FHDC1: variants seen among roughly 807,000 people sequenced by gnomAD.
FHDC1 encodes the protein FH2 domain-containing protein 1.
A neutral mutation model predicts 52.6 loss-of-function variants in FHDC1; 25 were observed. That is an observed-to-expected ratio of 0.48 (90% confidence interval 0.35 to 0.66). The LOEUF (loss-of-function observed/expected upper bound fraction) is 0.66, where lower values mean the gene tolerates loss of function less well. FHDC1 is among the 30% of genes least tolerant of loss of function. The probability of loss-of-function intolerance (pLI) is 0.01; values close to 1 mark genes in which losing one functional copy is unlikely to be tolerated. For synonymous variants in FHDC1, 616 were observed against 581.5 expected, an observed-to-expected ratio of 1.06 and a Z score of -0.85; for missense variants, 1,459 against 1,452.8, an observed-to-expected ratio of 1.00 and a Z score of -0.07.
In FHDC1 at chr4:152,977,452, A is replaced by G. The variant is rs1206627641; in HGVS notation, c.*729A>G. 6.6e-6 allele frequency: 1 copy of G among 151,770 alleles called. No individual in the cohort carries two copies. Among genetic ancestry groups the G allele is most frequent in the Non-Finnish European group, 1.5e-5 (1 of 67,944 alleles). The allele number at this position is 151,770 out of a possible 1,614,324, so 9.4% of individuals were successfully genotyped here. A position where few individuals can be genotyped will look rare whatever the true frequency, so the allele number is the denominator to read the frequency against. ...CCTCCCAGGAAAAAAATACATATGT[A>G]TTTTTTTGCGACAGGGTCGTGCTCT... On this transcript the variant is annotated 3_prime_UTR_variant, in exon 12 of 12. Coordinates refer to ENST00000511601, the MANE Select transcript of FHDC1 (RefSeq NM_001371116.1).
At chr4:152,952,135 A>G (rs970502721) in intron 2 of FHDC1, among the ~76,000 whole-genome samples, 1 of 152,190 alleles carries the variant, frequency 6.6e-6, no homozygotes, top group African/African-American at 2.4e-5. Flanking sequence ...GTAGGACACT[A>G]CCTTACACCC....
In FHDC1 at chr4:152,977,026, A is replaced by G. The variant is rs4696370; in HGVS notation, c.*303A>G. The G allele has an allele frequency of 0.91, 231,245 of 254,276 alleles. 105,451 individuals are homozygous for G. Among genetic ancestry groups the G allele is most frequent in the East Asian group, 1 (13,541 of 13,544 alleles). 15.8% of individuals were successfully genotyped at this position (254,276 alleles called of 1,614,324 possible). A position where few individuals can be genotyped will look rare whatever the true frequency, so the allele number is the denominator to read the frequency against. ...CGAGAAAGATTTAGTAGGAGTGTAA[A>G]GTGACATTCTTATGAAACAAGTCAA... is the stretch of plus-strand genomic sequence containing the variant. On this transcript the variant is annotated 3_prime_UTR_variant, in exon 12 of 12. Coordinates refer to ENST00000511601, the MANE Select transcript of FHDC1 (RefSeq NM_001371116.1).
intron 2 of FHDC1, 75 bp downstream of exon 2, chr4:152,943,630 A>G: frequency 6.8e-7 from 1 of 1,479,614 alleles, no homozygotes; most frequent in Middle Eastern, 2.5e-4. Flanking sequence ...GTACATTTCA[A>G]ATAATTGCTA....
At chr4:152,960,704 A>G in intron 5 of FHDC1, 40 bp from the exon 6 acceptor site, 1 of 1,611,758 alleles carries the variant, frequency 6.2e-7, no homozygotes, top group Non-Finnish European at 8.5e-7. Context: ...TTTTAAACTA[A>G]TGACATCAAA....
At chr4:152,972,202 G>A (rs11099864) in intron 10 of FHDC1, among the ~76,000 whole-genome samples, 175 bp from the exon 11 acceptor site, 88,815 of 152,002 alleles carry the variant, frequency 0.58, 30,208 homozygotes, top group Non-Finnish European at 0.76. Flanking sequence ...GGTTTGTTCT[G>A]GGTTGAATTA....
chr4:152,930,253 C>G, the FHDC1 span, among the ~76,000 whole-genome samples: 49 of 152,330 alleles, frequency 3.2e-4, no homozygotes, highest in East Asian at 9.1e-3. Context: ...AACTTCTTTG[C>G]TCTTTTCTCT....
At chr4:152,963,223 GT>G in intron 8 of FHDC1, 93 bp downstream of exon 8, 1 of 1,104,420 alleles carries the variant, frequency 9.1e-7, no homozygotes, top group Non-Finnish European at 1.3e-6. Flanking sequence ...GTCCAGCAGG[GT>G]TAGGAAAGGG....
chr4:152,975,012 G>A lies in FHDC1; in HGVS notation c.1721G>A (p.Ser574Asn), dbSNP rs768369637. 2 of 1,612,584 alleles carry A rather than the reference G, an allele frequency of 1.2e-6. No homozygotes were observed. Among genetic ancestry groups the A allele is most frequent in the East Asian group, 2.2e-5 (1 of 44,868 alleles). Residue 574 changes from serine to asparagine, a missense_variant, in exon 12 of 12, where the codon AGC (serine) becomes AAC (asparagine). Physicochemically the swap from Ser to Asn is conservative, Grantham distance 46. Around this residue, in one of 3 missense-constraint regions of FHDC1, gnomAD observed 939 missense variants for 854.5 expected, o/e 1.10. Coordinates refer to ENST00000511601, the MANE Select transcript of FHDC1 (RefSeq NM_001371116.1). Reference protein sequence around the residue: ...EPNKFHSLPRSSPRQARPTIA... With the variant: ...EPNKFHSLPRNSPRQARPTIA... The stretch of plus-strand genomic sequence containing the variant: ...AATAAGTTCCACAGCCTGCCCCGGA[G>A]CAGCCCCCGGCAGGCCCGGCCCACG...
chr4:152,975,216 T>A lies in FHDC1; in HGVS notation c.1925T>A (p.Val642Asp). Reference sequence around the variant, plus strand: ...TTCCCCAGAGCTCGGCGCCAGGGCGTCAGTGTCCTCCGAAAGAGGTACAGT... The same window carrying A: ...TTCCCCAGAGCTCGGCGCCAGGGCGACAGTGTCCTCCGAAAGAGGTACAGT... ...SAFPRARRQGVSVLRKRYSEP... is the reference protein window; with the variant it reads ...SAFPRARRQGDSVLRKRYSEP... The change falls in exon 12 of 12, where the codon GTC becomes GAC. Residue 642 changes from valine (V) to aspartate (D), a missense_variant. Val to Asp is a radical substitution (Grantham distance 152). Coordinates refer to ENST00000511601, the MANE Select transcript of FHDC1 (RefSeq NM_001371116.1). The A allele has an allele frequency of 6.2e-7, 1 of 1,613,256 alleles. No individual in the cohort carries two copies.
chr4:152,950,719 A>G (rs1442002301), intron 2 of FHDC1, among the ~76,000 whole-genome samples: 2 of 152,332 alleles, frequency 1.3e-5, no homozygotes, highest in African/African-American at 4.8e-5. Context: ...GGACTTGGCC[A>G]GGCACACGTA....
intron 1 of FHDC1, among the ~76,000 whole-genome samples, chr4:152,936,885 C>CG (rs1297129782): frequency 6.6e-6 from 1 of 152,260 alleles, no homozygotes; most frequent in Non-Finnish European, 1.5e-5. Flanking sequence ...CCTAGCCAGC[C>CG]GGGGGCCACG....
At chr4:152,935,161 T>C (rs1253045245), upstream of FHDC1, among the ~76,000 whole-genome samples, 1 of 152,188 alleles carries the variant, frequency 6.6e-6, no homozygotes, top group East Asian at 1.9e-4. Flanking sequence ...TTGGGGTTGA[T>C]TGGTTTGTTT....
chr4:152,972,573 G>A, intron 11 of FHDC1, 32 bp downstream of exon 11: 18 of 1,577,414 alleles, frequency 1.1e-5, no homozygotes, highest in Non-Finnish European at 1.5e-5. Context: ...TCTTGGGGTT[G>A]TTTGGATTTT....
chr4:152,975,553 G>T lies in FHDC1; in HGVS notation c.2262G>T (p.Leu754Phe). 1 of 1,613,648 alleles carries T rather than the reference G, an allele frequency of 6.2e-7. No homozygotes were observed. The highest frequency in any genetic ancestry group is 8.5e-7 in the Non-Finnish European group (1 of 1,180,032). ...CCGATGAGCCTGGAAGTGCAGCTTT[G>T]GGATCTGTGGGTAGCAGCGACCCTG... is the stretch of plus-strand genomic sequence containing the variant. ...AAPDEPGSAALGSVGSSDPEN... is the reference protein window; with the variant it reads ...AAPDEPGSAAFGSVGSSDPEN... Residue 754 changes from leucine to phenylalanine, a missense_variant, in exon 12 of 12, where the codon TTG (leucine) becomes TTT (phenylalanine). By Grantham distance (22) the Leu-to-Phe change is conservative. Transcript: ENST00000511601.
the FHDC1 span, chr4:152,916,919 C>A: frequency 6.6e-6 from 1 of 152,192 alleles, no homozygotes; most frequent in Admixed American, 6.5e-5. Context: ...CTCCTCGGCT[C>A]ATTTCCAAAT....
the FHDC1 span, among the ~76,000 whole-genome samples, chr4:152,921,130 A>G: frequency 2.6e-5 from 4 of 152,084 alleles, no homozygotes; most frequent in Non-Finnish European, 4.4e-5. Context: ...TGTTATATTT[A>G]TAACTTCCTT....
chr4:152,950,830 T>C (rs1739903626), intron 2 of FHDC1, among the ~76,000 whole-genome samples: 1 of 152,240 alleles, frequency 6.6e-6, no homozygotes, highest in Non-Finnish European at 1.5e-5. Flanking sequence ...AGCTCAGTAA[T>C]GTGAAAACCC....
chr4:152,917,167 A>G, the FHDC1 span: 2 of 152,090 alleles, frequency 1.3e-5, no homozygotes, highest in African/African-American at 4.8e-5. Flanking sequence ...TTCAAAAACA[A>G]AACACTAACT....
the FHDC1 span, among the ~76,000 whole-genome samples, chr4:152,918,709 G>A: frequency 1.3e-5 from 2 of 152,210 alleles, no homozygotes; most frequent in Admixed American, 6.5e-5. Context: ...TCTGGGTGGA[G>A]CATCAGCATG....
Sources: gnomAD v4.1 joint callset for allele counts (sites outside exome capture counted in the v4.1 genomes callset) on GRCh38, gnomAD v4.1.1 for gene constraint, gnomAD v4.1.1 regional missense constraint, MANE v1.5 for transcripts, NCBI Gene and HGNC (gene_info 2026-07-23, HGNC 2026-07-21) for gene names.